ARAP3: variants seen among roughly 807,000 people sequenced by gnomAD.
ARAP3 encodes ArfGAP with RhoGAP domain, ankyrin repeat and PH domain 3.
ARAP3 carries 82 observed loss-of-function variants against 169.2 expected under a neutral mutation model. The ratio of observed to expected loss-of-function variants is 0.48; its 90% confidence interval spans 0.41 to 0.58. The LOEUF (loss-of-function observed/expected upper bound fraction) is 0.58, where lower values mean the gene tolerates loss of function less well. Among genes scored for constraint, ARAP3 ranks in the 20% least tolerant of loss-of-function variants. The probability of loss-of-function intolerance (pLI) is 0.00; values close to 1 mark genes in which losing one functional copy is unlikely to be tolerated. For synonymous variants in ARAP3, 791 were observed against 800.3 expected, an observed-to-expected ratio of 0.99 and a Z score of 0.20; for missense variants, 1,764 against 2,018.0, an observed-to-expected ratio of 0.87 and a Z score of 2.41.
intron 13 of ARAP3, 44 bp from the exon 14 acceptor site, chr5:141,670,672 G>T: frequency 6.5e-7 from 1 of 1,544,438 alleles, no homozygotes; most frequent in Non-Finnish European, 8.9e-7. Flanking sequence ...AAGTGCAACG[G>T]GATAACCTGA....
intron 6 of ARAP3, 118 bp from the exon 7 acceptor site, chr5:141,673,251 C>G (rs752216890): frequency 6.4e-7 from 1 of 1,572,272 alleles, no homozygotes; most frequent in Non-Finnish European, 8.7e-7. Context: ...GTGGGTACAG[C>G]TGCTAAGCCA....
At position 141,666,516 on chromosome 5, in the gene ARAP3, A is replaced by G; in HGVS notation, c.2480T>C (p.Leu827Pro). 1 of 1,603,954 alleles carries G rather than the reference A, an allele frequency of 6.2e-7. No homozygotes were observed. The highest frequency in any genetic ancestry group is 1.7e-4 in the Middle Eastern group (1 of 5,888). Residue 827 changes from leucine (L) to proline (P), a missense_variant, in exon 17 of 33, where the codon CTT (leucine) becomes CCT (proline). Physicochemically the swap from Leu to Pro is moderately conservative, Grantham distance 98. Around this residue, in one of 3 missense-constraint regions of ARAP3, gnomAD observed 1,112 missense variants for 1,285.7 expected, o/e 0.86. Transcript: ENST00000239440. ...GCACAGGAAGAGGTGGTCACCACGAAGGAGGCCAAACCCTGACAGCCAGAG... is the reference window on the plus strand; with the variant it reads ...GCACAGGAAGAGGTGGTCACCACGAGGGAGGCCAAACCCTGACAGCCAGAG... ...PGLWLSGFGL[L>P]RGDHLFLCSA...
At chr5:141,669,621 G>A in intron 16 of ARAP3, 88 bp downstream of exon 16, 1 of 1,276,664 alleles carries the variant, frequency 7.8e-7, no homozygotes, top group Non-Finnish European at 1.1e-6. Context: ...AGTGGAAGAA[G>A]TGGCTGTAGG....
rs758804640 is a variant in ARAP3 at position 141,680,013 on chromosome 5, G to A, written c.474C>T (p.Ser158=). ...CTCTTGAGTCCAGGCCGAAGTAGAT[G>A]GAATTAGGCATCATCTCCACAGTAT... The part of the protein sequence containing the change: ...ALNTVEMMPN[S]IYFGLDSRGR... Residue 158 remains serine, a synonymous_variant, in exon 2 of 33, where the codon TCC becomes TCT. Coordinates refer to ENST00000239440, the MANE Select transcript of ARAP3 (RefSeq NM_022481.6). 5.3e-5 allele frequency: 85 copies of A among 1,614,068 alleles called. No homozygotes were observed. Among genetic ancestry groups the A allele is most frequent in the Non-Finnish European group, 6.9e-5 (81 of 1,180,058 alleles).
At chr5:141,675,999 A>C (rs2099912137) in intron 4 of ARAP3, among the ~76,000 whole-genome samples, 2 of 152,110 alleles carry the variant, frequency 1.3e-5, no homozygotes, top group Admixed American at 6.5e-5. Context: ...TCTCCCCTAC[A>C]TAACTGTCCC....
chr5:141,672,278 G>A lies in ARAP3; in HGVS notation c.1409C>T (p.Ala470Val), dbSNP rs1261587344. 6.8e-6 allele frequency: 11 copies of A among 1,613,970 alleles called. No individual in the cohort carries two copies. The South Asian group carries it at 1.1e-4, about 16-fold the overall frequency. Residue 470 changes from alanine (A) to valine (V), a missense_variant, in exon 10 of 33, where the codon GCT (alanine) becomes GTT (valine). This residue lies in a region of ARAP3 where 630 missense variants were observed against 678.7 expected (regional missense o/e 0.93). Coordinates refer to ENST00000239440, the MANE Select transcript of ARAP3 (RefSeq NM_022481.6). The surrounding 1 kb of genome is among the most constrained non-coding windows in gnomAD (Gnocchi z 4.9). ...CFSFTAESGGARQSWAAALQE... is the reference protein window; with the variant it reads ...CFSFTAESGGVRQSWAAALQE... ...CAGAGCGGCCGCCCAGCTCTGCCGA[G>A]CACCCCCAGACTCGGCTGTGAAGCT...
At chr5:141,659,064 A>G (rs1223278250) in intron 23 of ARAP3, among the ~76,000 whole-genome samples, 1 of 152,162 alleles carries the variant, frequency 6.6e-6, no homozygotes, top group Non-Finnish European at 1.5e-5. Context: ...TATATTTATT[A>G]TTATTATTCT....
At chr5:141,680,844 A>G (rs1170948367) in intron 1 of ARAP3, 2 of 294,220 alleles carry the variant, frequency 6.8e-6, no homozygotes, top group African/African-American at 4.4e-5. Flanking sequence ...CCAACTGAGT[A>G]AGCATGGGAC....
At position 141,656,143 on chromosome 5, in the gene ARAP3, G is replaced by C. The variant is rs369156358; in HGVS notation, c.3873-44C>G. On this transcript the variant is annotated intron_variant, in intron 28 of 32. Transcript: ENST00000239440. Reference sequence around the variant, plus strand: ...TGATGGGGCAGTCAGAAAGGGCAGGGGGGTGAAGGCAGGAAGGCCCTGGAA... The same window carrying C: ...TGATGGGGCAGTCAGAAAGGGCAGGCGGGTGAAGGCAGGAAGGCCCTGGAA... The C allele has an allele frequency of 1.5e-4, 242 of 1,614,078 alleles. 2 individuals carry two copies. The African/African-American group carries it at 2.9e-3, about 19-fold the overall frequency.
In ARAP3 at chr5:141,669,956, C is replaced by T. The variant is rs771631565; in HGVS notation, c.2215G>A (p.Gly739Ser). The change falls in exon 15 of 33, where the codon GGT becomes AGT. Residue 739 changes from glycine (G) to serine (S), a missense_variant. By Grantham distance (56) the Gly-to-Ser change is moderately conservative. Coordinates refer to ENST00000239440, the MANE Select transcript of ARAP3 (RefSeq NM_022481.6). Reference sequence around the variant, plus strand: ...GGGTCAGTGGGTGGGGGGCTCACACCCAGACATACAATATCCTGGGGCTGT... The same window carrying T: ...GGGTCAGTGGGTGGGGGGCTCACACTCAGACATACAATATCCTGGGGCTGT... ...LIQPQDIVCL[G>S]VSPPPTDPGD... 3 of 1,600,446 alleles carry T rather than the reference C, an allele frequency of 1.9e-6. No homozygotes were observed. Among genetic ancestry groups the T allele is most frequent in the Admixed American group, 3.6e-5 (2 of 55,170 alleles).
chr5:141,671,761 TGACAAGG>T lies in ARAP3; in HGVS notation c.1672-16_1672-10del. 6.3e-7 allele frequency: 1 copy of T among 1,596,772 alleles called. No individual in the cohort carries two copies. Among genetic ancestry groups the T allele is most frequent in the South Asian group, 1.1e-5 (1 of 88,238 alleles). ...CCCAGGACAATGAATAACTGTGGGATGACAAGGGACAAAGGCAGGTGACAGGAACTCA... is the reference window on the plus strand; with the variant it reads ...CCCAGGACAATGAATAACTGTGGGATGACAAAGGCAGGTGACAGGAACTCA... On this transcript the variant is annotated splice_polypyrimidine_tract_variant and intron_variant, in intron 11 of 32. Transcript: ENST00000239440. The surrounding 1 kb of genome is among the most constrained non-coding windows in gnomAD (Gnocchi z 4.9).
chr5:141,662,266 C>A lies in ARAP3; in HGVS notation c.2801-11G>T. On this transcript the variant is annotated splice_polypyrimidine_tract_variant and intron_variant, in intron 19 of 32. Transcript: ENST00000239440. ...CTTCCAGCCGGAGCCCTGAGGAGAGCCAGCCGTCTCTGCTCACCATGGTGC... is the reference window on the plus strand; with the variant it reads ...CTTCCAGCCGGAGCCCTGAGGAGAGACAGCCGTCTCTGCTCACCATGGTGC... 2 of 1,613,116 alleles carry A rather than the reference C, an allele frequency of 1.2e-6. No homozygotes were observed. The highest frequency in any genetic ancestry group is 1.7e-6 in the Non-Finnish European group (2 of 1,179,532).
Position 141,666,466 on chromosome 5 carries a change from C to CT in ARAP3, c.2529dup (p.Ala844SerfsTer3), listed in dbSNP as rs772518394. 6.3e-7 allele frequency: 1 copy of CT among 1,596,900 alleles called. No homozygotes were observed. Among genetic ancestry groups the CT allele is most frequent in the East Asian group, 2.3e-5 (1 of 43,510 alleles). On this transcript the variant is annotated frameshift_variant, in exon 17 of 33. Coordinates refer to ENST00000239440, the MANE Select transcript of ARAP3 (RefSeq NM_022481.6). LOFTEE classifies it high-confidence loss of function. ...CGCAGATGCACCATGTCCTCAGGGG[C>CT]TGGGGGGCCTGGGCCCGGCGCTGAG...
rs2099908892 is a variant in ARAP3 at position 141,654,195 on chromosome 5, C to T, written c.4390G>A (p.Glu1464Lys). 6.2e-7 allele frequency: 1 copy of T among 1,613,922 alleles called. No homozygotes were observed. ...TTTGAAGGGGGGCCTGGAGGGGGCT[C>T]AGGTGGCCTCTCCTCCTGGCCAAGG... ...STLGQEERPP[E>K]PPPGPPSKSS... Residue 1464 changes from glutamate (E) to lysine (K), a missense_variant, in exon 33 of 33, where the codon GAG (glutamate) becomes AAG (lysine). Glu to Lys is a moderately conservative substitution (Grantham distance 56). Transcript: ENST00000239440.
intron 20 of ARAP3, 100 bp from the exon 21 acceptor site, chr5:141,661,889 G>T: frequency 1.4e-6 from 2 of 1,480,032 alleles, no homozygotes; most frequent in Middle Eastern, 1.8e-4. Context: ...GGATGGATGT[G>T]TCTCTGCCCC....
At chr5:141,660,650 T>G (rs59964863) in intron 21 of ARAP3, among the ~76,000 whole-genome samples, 14,539 of 152,142 alleles carry the variant, frequency 0.096, 1,667 homozygotes, top group African/African-American at 0.28. Flanking sequence ...TATTTATTTA[T>G]TTTTATCTTT....
chr5:141,668,879 G>T (rs1044665294), intron 16 of ARAP3, among the ~76,000 whole-genome samples: 4 of 152,180 alleles, frequency 2.6e-5, no homozygotes, highest in Non-Finnish European at 4.4e-5. Flanking sequence ...AGCTGCAAGG[G>T]GTCAAAGGGG....
chr5:141,665,258 A>T, intron 18 of ARAP3, 53 bp downstream of exon 18: 1 of 1,601,530 alleles, frequency 6.2e-7, no homozygotes, highest in Non-Finnish European at 8.5e-7. Context: ...GTTGCAGAGT[A>T]TGGGCTCTGC....
intron 4 of ARAP3, among the ~76,000 whole-genome samples, chr5:141,674,972 C>T (rs572991760): frequency 1.3e-5 from 2 of 152,338 alleles, no homozygotes; most frequent in Non-Finnish European, 2.9e-5. Flanking sequence ...CCTTCAATAA[C>T]GTCCCATTCG....
Sources: allele counts gnomAD v4.1 joint callset (sites outside exome capture counted in the v4.1 genomes callset), GRCh38; gene constraint gnomAD v4.1.1; regional missense constraint gnomAD v4.1.1; non-coding constraint Gnocchi (gnomAD v3.1); transcripts MANE v1.5; gene names NCBI Gene and HGNC (gene_info 2026-07-23, HGNC 2026-07-21).